API5: variants seen among roughly 807,000 people sequenced by gnomAD.
API5 encodes apoptosis inhibitor 5.
API5 carries 6 observed loss-of-function variants against 71.9 expected under a neutral mutation model. That is an observed-to-expected ratio of 0.08 (90% confidence interval 0.05 to 0.16). API5 has a LOEUF of 0.16. Ranked by LOEUF, API5 falls within the 10% of genes least tolerant of loss-of-function variation. The pLI, the probability that API5 is intolerant of heterozygous loss-of-function variation, is 1.00. For missense variants in API5, 332 were observed against 612.8 expected (o/e 0.54, Z 4.84); for synonymous variants, 189 against 221.3 (o/e 0.85, Z 1.30).
At chr11:43,322,247 A>G (rs939619319) in intron 5 of API5, 111 bp downstream of exon 5, 5 of 1,059,362 alleles carry the variant, frequency 4.7e-6, no homozygotes, top group South Asian at 2.3e-5. Flanking sequence ...GATATATCAT[A>G]TATCCCATTG....
intron 3 of API5, 35 bp from the exon 4 acceptor site, chr11:43,321,376 T>C (rs71488359): frequency 1.3e-6 from 2 of 1,542,516 alleles, no homozygotes; most frequent in Admixed American, 1.8e-5. Context: ...TTTAAATTTG[T>C]TTTATATTCA....
Position 43,335,976 on chromosome 11 carries a change from T to G in API5, c.1474T>G (p.Leu492Val), listed in dbSNP as rs1396322802. 6.2e-7 allele frequency: 1 copy of G among 1,613,948 alleles called. No homozygotes were observed. Among genetic ancestry groups the G allele is most frequent in the African/African-American group, 1.3e-5 (1 of 74,906 alleles). Reference protein sequence around the residue: ...NPPSGKYSSNLGNFNYEQRGA... With the variant: ...NPPSGKYSSNVGNFNYEQRGA... ...TCCCAGTGGGAAATATAGCAGCAAT[T>G]TGGGCAACTTTAATTATGGTGAGCG... is the stretch of plus-strand genomic sequence containing the variant. The change falls in exon 13 of 14, where the codon TTG (leucine) becomes GTG (valine). Residue 492 changes from leucine (L) to valine (V), a missense_variant. This residue lies in a region of API5 where 168 missense variants were observed against 343.9 expected (regional missense o/e 0.49). Coordinates refer to ENST00000531273, the MANE Select transcript of API5 (RefSeq NM_001142930.2).
At chr11:43,342,085 T>C (rs565012395) in intron 13 of API5, among the ~76,000 whole-genome samples, 3 of 152,160 alleles carry the variant, frequency 2.0e-5, no homozygotes, top group South Asian at 2.1e-4. Flanking sequence ...TTCAATGTTA[T>C]GGTGAACTGT....
In API5 at chr11:43,330,536, T is replaced by C; in HGVS notation, c.1250T>C (p.Ile417Thr). 1.9e-6 allele frequency: 3 copies of C among 1,599,362 alleles called. No individual in the cohort carries two copies. Among genetic ancestry groups the C allele is most frequent in the Non-Finnish European group, 2.6e-6 (3 of 1,167,304 alleles). Residue 417 changes from isoleucine (I) to threonine (T), a missense_variant, in exon 11 of 14, where the codon ATA becomes ACA. By Grantham distance (89) the Ile-to-Thr change is moderately conservative. Coordinates refer to ENST00000531273, the MANE Select transcript of API5 (RefSeq NM_001142930.2). ...AAGATTAAAGTCGTTGCATTGAAAA[T>C]AACAAACAATATCAATGTTTTAATC... ...ENKIKVVALK[I>T]TNNINVLIKD...
chr11:43,329,847 A>T, intron 9 of API5, 118 bp from the exon 10 acceptor site: 2 of 756,730 alleles, frequency 2.6e-6, no homozygotes, highest in Non-Finnish European at 4.3e-6. Flanking sequence ...TCTCTTCTTT[A>T]ATTTACTGGT....
At position 43,335,343 on chromosome 11, in the gene API5, G is replaced by C. The variant is rs1212257720; in HGVS notation, c.1344G>C (p.Lys448Asn). The C allele has an allele frequency of 6.3e-7, 1 of 1,581,736 alleles. No homozygotes were observed. Among genetic ancestry groups the C allele is most frequent in the Non-Finnish European group, 8.7e-7 (1 of 1,153,936 alleles). The change falls in exon 12 of 14, where the codon AAG becomes AAC. Residue 448 changes from lysine (K) to asparagine (N), a missense_variant. Transcript: ENST00000531273. Reference sequence around the variant, plus strand: ...CACTATCCTGGAAACCTGTACAAAAGGTTGAGATTGGGTAAGAAATATATT... The same window carrying C: ...CACTATCCTGGAAACCTGTACAAAACGTTGAGATTGGGTAAGAAATATATT... ...TVTLSWKPVQ[K>N]VEIGQKRASE...
rs561781402 is a variant in API5 at position 43,316,744 on chromosome 11, G to A, written c.70-1896G>A. Among the ~76,000 whole-genome samples the A allele has an allele frequency of 1.8e-4, 27 of 152,120 alleles. No individual in the cohort carries two copies. The South Asian group carries it at 4.8e-3, about 27-fold the overall frequency. On this transcript the variant is annotated intron_variant, in intron 1 of 13. Coordinates refer to ENST00000531273, the MANE Select transcript of API5 (RefSeq NM_001142930.2). The stretch of plus-strand genomic sequence containing the variant: ...ACCATGGCTTACCACAGCCTTTATC[G>A]CCTGGGCTCAAGTGATTCTCCTCCC...
Position 43,329,978 on chromosome 11 carries a change from G to T in API5, c.1141G>T (p.Ala381Ser). ...ATTTTCATTTAGGCTGCAGTACTTT[G>T]CACGGGGCCTGCAAGTTTATATCAG... The part of the protein sequence containing the change: ...KDFKIRLQYF[A>S]RGLQVYIRQL... The change falls in exon 10 of 14, where the codon GCA (alanine) becomes TCA (serine). Residue 381 changes from alanine to serine, a missense_variant. Ala to Ser is a moderately conservative substitution (Grantham distance 99). Coordinates refer to ENST00000531273, the MANE Select transcript of API5 (RefSeq NM_001142930.2). 1 of 1,613,754 alleles carries T rather than the reference G, an allele frequency of 6.2e-7. No individual in the cohort carries two copies.
chr11:43,342,342 T>G, intron 13 of API5, 86 bp from the exon 14 acceptor site: 2 of 1,129,288 alleles, frequency 1.8e-6, no homozygotes, highest in Admixed American at 4.6e-5. Flanking sequence ...TACTGCTGTA[T>G]TCAGAGTTAT....
intron 1 of API5, among the ~76,000 whole-genome samples, chr11:43,312,794 G>A (rs1245597991): frequency 2.0e-5 from 3 of 152,128 alleles, no homozygotes; most frequent in Admixed American, 6.5e-5. Context: ...GTACAGTTAG[G>A]AGGGAGTGTA....
chr11:43,318,306 G>T, intron 1 of API5: 2 of 1,002,870 alleles, frequency 2.0e-6, no homozygotes. Context: ...ACCACGCCTG[G>T]CCCATTACAA....
Position 43,312,011 on chromosome 11 carries a change from A to G in API5, c.-117A>G, listed in dbSNP as rs911274608. ...GCTGTGCGCGGTGACTGGCGGCTGC[A>G]CTGGCGGCAGCTGGAGGTGTAATAG... On this transcript the variant is annotated 5_prime_UTR_variant, in exon 1 of 14. Transcript: ENST00000531273. 7 of 1,168,506 alleles carry G rather than the reference A, an allele frequency of 6.0e-6. No individual in the cohort carries two copies. The highest frequency in any genetic ancestry group is 4.2e-5 in the South Asian group (3 of 70,822). 72.4% of individuals were successfully genotyped at this position (1,168,506 alleles called of 1,614,324 possible).
In API5 at chr11:43,323,538, G is replaced by A; in HGVS notation, c.652G>A (p.Ala218Thr). ...AAGACAGCAACTTGTAGAGTTGGTGGCTGAACAGGCCGACCTAGAACAGAC... is the reference window on the plus strand; with the variant it reads ...AAGACAGCAACTTGTAGAGTTGGTGACTGAACAGGCCGACCTAGAACAGAC... ...SGRQQLVELV[A>T]EQADLEQTFN... The change falls in exon 6 of 14, where the codon GCT becomes ACT. Residue 218 changes from alanine to threonine, a missense_variant. Physicochemically the swap from Ala to Thr is moderately conservative, Grantham distance 58. Transcript: ENST00000531273. The A allele has an allele frequency of 6.2e-7, 1 of 1,614,148 alleles. No homozygotes were observed. The highest frequency in any genetic ancestry group is 8.5e-7 in the Non-Finnish European group (1 of 1,180,008).
intron 6 of API5, 118 bp downstream of exon 6, chr11:43,323,754 G>A: frequency 1.0e-6 from 1 of 964,640 alleles, no homozygotes; most frequent in Non-Finnish European, 1.5e-6. Flanking sequence ...TGCTTGCTTG[G>A]AACCAGAAGT....
chr11:43,330,989 C>A (rs1855232228), intron 11 of API5, among the ~76,000 whole-genome samples: 1 of 151,650 alleles, frequency 6.6e-6, no homozygotes, highest in Non-Finnish European at 1.5e-5. Context: ...AAAATAATAA[C>A]CTGAGAGAAC....
intron 1 of API5, among the ~76,000 whole-genome samples, chr11:43,315,214 G>C (rs1854629393): frequency 1.3e-5 from 2 of 152,122 alleles, no homozygotes; most frequent in Non-Finnish European, 2.9e-5. Flanking sequence ...AAATATATAA[G>C]GGTAAACTTA....
Position 43,328,841 on chromosome 11 carries a change from G to C in API5, c.1075G>C (p.Asp359His). The C allele has an allele frequency of 6.2e-7, 1 of 1,614,032 alleles. No individual in the cohort carries two copies. Among genetic ancestry groups the C allele is most frequent in the Non-Finnish European group, 8.5e-7 (1 of 1,179,984 alleles). ...TCACCAGTTGGGCCGAAAACTTCCA[G>C]ATTTCTTAACAGCCAAACTGAATGC... is the stretch of plus-strand genomic sequence containing the variant. ...SFHQLGRKLP[D>H]FLTAKLNAEK... Residue 359 changes from aspartate (D) to histidine (H), a missense_variant, in exon 9 of 14, where the codon GAT becomes CAT. Asp to His is a moderately conservative substitution (Grantham distance 81, BLOSUM62 -1). Coordinates refer to ENST00000531273, the MANE Select transcript of API5 (RefSeq NM_001142930.2).
At chr11:43,327,931 A>T in intron 8 of API5, 53 bp downstream of exon 8, 3 of 1,072,146 alleles carry the variant, frequency 2.8e-6, no homozygotes. Flanking sequence ...CTCAAAGTCT[A>T]ATTTATTATT....
chr11:43,331,628 G>A (rs1474507816), intron 11 of API5, among the ~76,000 whole-genome samples: 4 of 152,158 alleles, frequency 2.6e-5, no homozygotes, highest in Admixed American at 2.0e-4. Flanking sequence ...AGAGGTGGAA[G>A]GAGAGGCAGG....
Sources: allele counts gnomAD v4.1 joint callset (sites outside exome capture counted in the v4.1 genomes callset), GRCh38; gene constraint gnomAD v4.1.1; regional missense constraint gnomAD v4.1.1; transcripts MANE v1.5; gene names NCBI Gene and HGNC (gene_info 2026-07-23, HGNC 2026-07-21).